SERPINB7: variants seen among roughly 807,000 people sequenced by gnomAD.
SERPINB7 encodes serpin family B member 7, also known as serpin B7.
Under a neutral mutation model 37.4 loss-of-function variants are expected in SERPINB7, and 31 were observed. The ratio of observed to expected loss-of-function variants is 0.83; its 90% CI spans 0.62 to 1.12. The LOEUF (loss-of-function observed/expected upper bound fraction) is 1.12, where lower values mean the gene tolerates loss of function less well. Ranked by LOEUF, SERPINB7 falls within the 50% of genes most tolerant of loss-of-function variation. The pLI is 0.00. For synonymous variants in SERPINB7, 163 were observed against 166.1 expected (o/e 0.98, Z 0.14); for missense variants, 521 against 455.3 (o/e 1.14, Z -1.31).
chr18:63,764,795 A>G (rs1374786629), intron 1 of SERPINB7, among the ~76,000 whole-genome samples: 2 of 152,096 alleles, frequency 1.3e-5, no homozygotes, highest in African/African-American at 4.8e-5. Context: ...TTGATTAACC[A>G]CTATTATTAT....
intron 1 of SERPINB7, 56 bp downstream of exon 1, chr18:63,775,772 C>G (rs1290444381): frequency 6.6e-6 from 1 of 152,110 alleles, no homozygotes; most frequent in Non-Finnish European, 1.5e-5. Context: ...TTGCTCTTAT[C>G]TTCTGTTGTA....
intron 1 of SERPINB7, among the ~76,000 whole-genome samples, chr18:63,758,073 C>G (rs1447272346): frequency 1.3e-5 from 2 of 152,190 alleles, no homozygotes; most frequent in Non-Finnish European, 2.9e-5. Flanking sequence ...GTGTCTCTCT[C>G]TCTATCACTC....
chr18:63,781,956 G>A (rs2049305080), intron 1 of SERPINB7, among the ~76,000 whole-genome samples: 2 of 152,150 alleles, frequency 1.3e-5, no homozygotes, highest in Non-Finnish European at 2.9e-5. Context: ...ATTTAACATT[G>A]TATTGAATTA....
At chr18:63,760,417 G>T (rs80069788) in intron 1 of SERPINB7, among the ~76,000 whole-genome samples, 2 of 152,284 alleles carry the variant, frequency 1.3e-5, no homozygotes, top group Non-Finnish European at 2.9e-5. Context: ...CAAAAAGTTT[G>T]GAAAATTTGC....
chr18:63,763,040 G>A lies in SERPINB7; in HGVS notation c.-19+9920G>A, dbSNP rs569898909. ...AAAGGGGGGTTTCAGCTACTATAGT[G>A]TAGCATAAAACATACTCCTTTAACT... On this transcript the variant is annotated intron_variant, in intron 1 of 7. Coordinates refer to the SERPINB7 transcript ENST00000336429. Among the ~76,000 whole-genome samples, 5 of 152,222 alleles carry A rather than the reference G, an allele frequency of 3.3e-5. No homozygotes were observed. In the South Asian group the frequency reaches 6.2e-4, roughly 19 times the overall value.
chr18:63,804,672 C>T lies in SERPINB7; in HGVS notation c.*37C>T, dbSNP rs762348628. The T allele has an allele frequency of 6.5e-7, 1 of 1,532,082 alleles. No individual in the cohort carries two copies. Among genetic ancestry groups the T allele is most frequent in the Admixed American group, 2.0e-5 (1 of 48,924 alleles). The allele number at this position is 1,532,082 out of a possible 1,614,324, so 94.9% of individuals were successfully genotyped here. ...GTTTCTGTTATAGCAGTCCCCACAACATCAAAGAACCACCACAAGTCAATA... is the reference window on the plus strand; with the variant it reads ...GTTTCTGTTATAGCAGTCCCCACAATATCAAAGAACCACCACAAGTCAATA... On this transcript the variant is annotated 3_prime_UTR_variant, in exon 8 of 8. Coordinates refer to ENST00000398019, the MANE Select transcript of SERPINB7 (RefSeq NM_003784.4).
At position 63,791,804 on chromosome 18, in the gene SERPINB7, T is replaced by G. The variant is rs376087282; in HGVS notation, c.169-589T>G. ...TTTTTGTATTTTTAGTAGAGACGGG[T>G]TTTCACCGTGTTAGCCAGGATGGTC... On this transcript the variant is annotated intron_variant, in intron 2 of 7. Coordinates refer to ENST00000398019, the MANE Select transcript of SERPINB7 (RefSeq NM_003784.4). 2.7e-3 allele frequency among the ~76,000 whole-genome samples: 411 copies of G among 151,746 alleles called. 3 individuals carry two copies. The highest frequency in any genetic ancestry group is 7.9e-3 in the Admixed American group (120 of 15,210).
intron 1 of SERPINB7, among the ~76,000 whole-genome samples, chr18:63,755,518 C>A (rs546986326): frequency 6.6e-6 from 1 of 152,048 alleles, no homozygotes; most frequent in South Asian, 2.1e-4. Context: ...GAGCAAAATT[C>A]GCTTGAAAAA....
intron 1 of SERPINB7, among the ~76,000 whole-genome samples, chr18:63,756,824 G>GT (rs1555691750): frequency 1.3e-5 from 2 of 151,504 alleles, no homozygotes; most frequent in Non-Finnish European, 2.9e-5. Context: ...GTGTGTGTGT[G>GT]TGTGTGTGTG....
rs1013662880 is a variant in SERPINB7, at chr18:63,783,182, A to G, written c.168+642A>G. On this transcript the variant is annotated intron_variant, in intron 2 of 7. Coordinates refer to ENST00000398019, the MANE Select transcript of SERPINB7 (RefSeq NM_003784.4). ...AAAACAAAAAGAAAATAAAGAAAGA[A>G]AGAAAGAGAGAGAGAGAGAGAGAGA... Among the ~76,000 whole-genome samples, 53 of 91,186 alleles carry G rather than the reference A, an allele frequency of 5.8e-4. 1 individual carries two copies. Among genetic ancestry groups the G allele is most frequent in the African/African-American group, 2.7e-3 (52 of 19,364 alleles). The allele number at this position is 91,186 out of a possible 152,430, so 59.8% of individuals were successfully genotyped here.
chr18:63,768,469 T>C (rs1003315959), intron 1 of SERPINB7, among the ~76,000 whole-genome samples: 2 of 152,142 alleles, frequency 1.3e-5, no homozygotes, highest in Non-Finnish European at 2.9e-5. Flanking sequence ...ACAGTGCTTA[T>C]GTGCAGTTTC....
rs377680320 is a variant in SERPINB7 at position 63,804,517 on chromosome 18, G to C, written c.1025G>C (p.Ser342Thr). The C allele has an allele frequency of 9.3e-6, 15 of 1,613,694 alleles. No homozygotes were observed. The highest frequency in any genetic ancestry group is 1.3e-5 in the Non-Finnish European group (15 of 1,179,884). Residue 342 changes from serine to threonine, a missense_variant, in exon 8 of 8, where the codon AGT (serine) becomes ACT (threonine). Transcript: ENST00000398019. ...EGTEATAATG[S>T]NIVEKQLPQS... ...ACCGAGGCTACTGCTGCCACAGGAA[G>C]TAATATTGTAGAAAAGCAACTCCCT...
intron 2 of SERPINB7, among the ~76,000 whole-genome samples, chr18:63,792,175 T>C (rs1264981671): frequency 6.6e-6 from 1 of 152,166 alleles, no homozygotes; most frequent in East Asian, 1.9e-4. Context: ...AAAATCAAGT[T>C]GTGGTAAAGA....
At chr18:63,760,465 T>G (rs1422658323) in intron 1 of SERPINB7, among the ~76,000 whole-genome samples, 3 of 152,190 alleles carry the variant, frequency 2.0e-5, no homozygotes, top group Non-Finnish European at 4.4e-5. Flanking sequence ...ACCCATTTTC[T>G]GGGGAGAAAT....
intron 2 of SERPINB7, among the ~76,000 whole-genome samples, chr18:63,789,053 T>C (rs548826180): frequency 5.7e-4 from 87 of 152,350 alleles, no homozygotes; most frequent in Non-Finnish European, 9.0e-4. Context: ...TCAGTCAAAT[T>C]ATATTTTATA....
intron 2 of SERPINB7, among the ~76,000 whole-genome samples, chr18:63,782,890 G>A (rs2049315475): frequency 2.0e-5 from 3 of 152,050 alleles, no homozygotes; most frequent in Admixed American, 2.0e-4. Context: ...TGTAATCCCA[G>A]CACTTTGGGA....
intron 1 of SERPINB7, among the ~76,000 whole-genome samples, chr18:63,779,743 T>C (rs2049283813): frequency 6.6e-6 from 1 of 152,114 alleles, no homozygotes; most frequent in African/African-American, 2.4e-5. Context: ...TTTTGTTCAA[T>C]AAGATTATAA....
chr18:63,779,193 C>T (rs571267880), intron 1 of SERPINB7, among the ~76,000 whole-genome samples: 6 of 152,122 alleles, frequency 3.9e-5, no homozygotes, highest in Admixed American at 1.3e-4. Flanking sequence ...CTTGCCTGAA[C>T]TTAGTTTATT....
At chr18:63,773,376 C>T (rs1026605515), upstream of SERPINB7, among the ~76,000 whole-genome samples, 1 of 152,066 alleles carries the variant, frequency 6.6e-6, no homozygotes, top group Non-Finnish European at 1.5e-5. Context: ...AAGAATATCC[C>T]TAATTTGGAA....
Sources: gnomAD v4.1 joint callset for allele counts (sites outside exome capture counted in the v4.1 genomes callset) on GRCh38, gnomAD v4.1.1 for gene constraint, MANE v1.5 for transcripts, NCBI Gene and HGNC (gene_info 2026-07-23, HGNC 2026-07-21) for gene names.